The following NSD2 variants were observed in gnomAD, a reference collection of about 807,000 sequenced individuals.
NSD2 encodes the protein nuclear receptor binding SET domain protein 2.
In NSD2, 12 loss-of-function variants were observed where a neutral mutation model predicts 139.0. The ratio of observed to expected loss-of-function variants is 0.09; its 90% CI spans 0.06 to 0.14. The LOEUF is 0.14. Ranked by LOEUF, NSD2 falls within the 10% of genes least tolerant of loss-of-function variation. The pLI is 1.00. For synonymous variants in NSD2, 669 were observed against 648.7 expected (o/e 1.03, Z -0.48); for missense variants, 1,155 against 1,745.0 (o/e 0.66, Z 6.02).
intron 1 of NSD2, among the ~76,000 whole-genome samples, chr4:1,883,892 T>C (rs1164332562): frequency 6.6e-6 from 1 of 152,228 alleles, no homozygotes; most frequent in Admixed American, 6.5e-5. Flanking sequence ...TCTTGTTCTC[T>C]GTTCATGGTT....
At position 1,980,460 on chromosome 4, in the gene NSD2, A is replaced by T. The variant is rs976945229; in HGVS notation, c.*1551A>T. The T allele has an allele frequency of 1.7e-5, 4 of 233,056 alleles. No individual in the cohort carries two copies. Among genetic ancestry groups the T allele is most frequent in the East Asian group, 6.0e-5 (1 of 16,578 alleles). 14.4% of individuals were successfully genotyped at this position (233,056 alleles called of 1,614,324 possible). A position where few individuals can be genotyped will look rare whatever the true frequency, so the allele number is the denominator to read the frequency against. ...AGGGGGACACATCCATCTTGCAGAGAAGTTTACAGAACTCCCCTTGAAAAC... is the reference window on the plus strand; with the variant it reads ...AGGGGGACACATCCATCTTGCAGAGTAGTTTACAGAACTCCCCTTGAAAAC... On this transcript the variant is annotated 3_prime_UTR_variant, in exon 22 of 22. Transcript: ENST00000508803.
rs1043811805 is a variant in NSD2 at position 1,950,750 on chromosome 4, T to A, written c.1882-322T>A. Among the ~76,000 whole-genome samples the A allele has an allele frequency of 2.4e-4, 36 of 152,340 alleles. 1 individual carries two copies. The South Asian group carries it at 4.3e-3, about 18-fold the overall frequency. Reference sequence around the variant, plus strand: ...CAAGATTCTTGTTCCAAAAAGCCTGTCTTAGTTCACCTACTAGAGCAAATT... The same window carrying A: ...CAAGATTCTTGTTCCAAAAAGCCTGACTTAGTTCACCTACTAGAGCAAATT... On this transcript the variant is annotated intron_variant, in intron 9 of 21. Coordinates refer to ENST00000508803, the MANE Select transcript of NSD2 (RefSeq NM_001042424.3).
intron 2 of NSD2, 50 bp downstream of exon 2, chr4:1,901,301 A>G: frequency 6.7e-7 from 1 of 1,481,686 alleles, no homozygotes; most frequent in Non-Finnish European, 9.0e-7. Context: ...AGCAGTGAGC[A>G]TGGCCACCCT....
intron 9 of NSD2, chr4:1,943,393 T>C: frequency 1.9e-6 from 2 of 1,042,178 alleles, no homozygotes; most frequent in Non-Finnish European, 2.3e-6. Context: ...TGGTTTCCTG[T>C]TGTGACAGTA....
intron 15 of NSD2, 110 bp from the exon 16 acceptor site, chr4:1,957,821 CAG>C (rs1724984961): frequency 9.7e-7 from 1 of 1,035,070 alleles, no homozygotes; most frequent in African/African-American, 1.6e-5. Flanking sequence ...TTATGGGAAC[CAG>C]AAACTATACT....
chr4:1,922,058 G>T (rs948386115), intron 5 of NSD2, among the ~76,000 whole-genome samples: 9 of 152,184 alleles, frequency 5.9e-5, no homozygotes, highest in Non-Finnish European at 1.2e-4. Flanking sequence ...CGAGGCAAGA[G>T]AATTGCTGGA....
intron 17 of NSD2, among the ~76,000 whole-genome samples, chr4:1,960,090 C>T (rs979391513): frequency 1.3e-5 from 2 of 152,034 alleles, no homozygotes; most frequent in Non-Finnish European, 2.9e-5. Flanking sequence ...AACTCCTGGC[C>T]CCAAACCATC....
intron 3 of NSD2, among the ~76,000 whole-genome samples, chr4:1,910,209 G>A (rs963005436): frequency 2.6e-5 from 4 of 152,036 alleles, no homozygotes; most frequent in Non-Finnish European, 5.9e-5. Context: ...GCACCTAGGT[G>A]GACTAGCAGC....
intron 3 of NSD2, among the ~76,000 whole-genome samples, chr4:1,909,266 C>G (rs557945828): frequency 6.6e-6 from 1 of 152,038 alleles, no homozygotes; most frequent in East Asian, 1.9e-4. Context: ...CCCACCACCC[C>G]CCCCAACCCT....
rs1724868933 is a variant in NSD2 at position 1,956,913 on chromosome 4, G to A, written c.2881+725G>A. ...CATGCTGCCAGAAGCTTTGCAGGCT[G>A]CACTGAGTGGTAGGAGTGCATGGTG... is the stretch of plus-strand genomic sequence containing the variant. On this transcript the variant is annotated intron_variant, in intron 15 of 21. Coordinates refer to ENST00000508803, the MANE Select transcript of NSD2 (RefSeq NM_001042424.3). This position sits in a 1 kb window ranked among gnomAD's most constrained non-coding sequence, Gnocchi z 5.3. 6.6e-6 allele frequency among the ~76,000 whole-genome samples: 1 copy of A among 152,262 alleles called. No homozygotes were observed. Among genetic ancestry groups the A allele is most frequent in the Admixed American group, 6.5e-5 (1 of 15,292 alleles).
In NSD2 at chr4:1,943,294, T is replaced by G. The variant is rs1388988726; in HGVS notation, c.1881+3516T>G. 3 of 1,043,422 alleles carry G rather than the reference T, an allele frequency of 2.9e-6. No homozygotes were observed. In the African/African-American group the frequency reaches 5.0e-5, roughly 17 times the overall value. The allele number at this position is 1,043,422 out of a possible 1,614,324, so 64.6% of individuals were successfully genotyped here. A position where few individuals can be genotyped will look rare whatever the true frequency, so the allele number is the denominator to read the frequency against. ...CAGATTCTTTGGCTGTGTTTTATCT[T>G]TAATGAACGTTTCTGACTAATATTT... On this transcript the variant is annotated intron_variant, in intron 9 of 21. Coordinates refer to ENST00000508803, the MANE Select transcript of NSD2 (RefSeq NM_001042424.3).
chr4:1,930,532 G>A (rs1048401363), intron 5 of NSD2, 94 bp from the exon 6 acceptor site: 4 of 1,349,376 alleles, frequency 3.0e-6, no homozygotes, highest in Admixed American at 2.8e-5. Context: ...GACACACTAA[G>A]TTCTAAAGGG....
At chr4:1,952,751 G>T in intron 11 of NSD2, 1 of 1,090,164 alleles carries the variant, frequency 9.2e-7, no homozygotes, top group South Asian at 3.5e-5. Flanking sequence ...TACTGCATCA[G>T]GTGTCGCCCG....
At chr4:1,975,450 C>T (rs1376165258) in intron 20 of NSD2, 50 bp downstream of exon 20, 4 of 1,547,258 alleles carry the variant, frequency 2.6e-6, no homozygotes, top group East Asian at 4.5e-5. Flanking sequence ...TGGCATTTTG[C>T]ACTCCTGGAG....
intron 9 of NSD2, chr4:1,939,987 A>G: frequency 2.8e-6 from 4 of 1,423,800 alleles, no homozygotes; most frequent in Non-Finnish European, 3.7e-6. Context: ...TTTTATACAC[A>G]CGCACACAGT....
In NSD2 at chr4:1,979,827, G is replaced by A; in HGVS notation, c.*918G>A. On this transcript the variant is annotated 3_prime_UTR_variant, in exon 22 of 22. Coordinates refer to ENST00000508803, the MANE Select transcript of NSD2 (RefSeq NM_001042424.3). ...GACTGAAGTGTGTGTTTACTGATGCGGCCCTGAGCTCCATGGCGAAAGGAG... is the reference window on the plus strand; with the variant it reads ...GACTGAAGTGTGTGTTTACTGATGCAGCCCTGAGCTCCATGGCGAAAGGAG... The A allele has an allele frequency of 1.3e-5, 3 of 232,326 alleles. No individual in the cohort carries two copies. Among genetic ancestry groups the A allele is most frequent in the East Asian group, 6.1e-5 (1 of 16,474 alleles). 14.4% of individuals were successfully genotyped at this position (232,326 alleles called of 1,614,324 possible). A position where few individuals can be genotyped will look rare whatever the true frequency, so the allele number is the denominator to read the frequency against.
rs1369244569 is a variant in NSD2 at position 1,976,761 on chromosome 4, G to A, written c.3826+82G>A. 1.3e-5 allele frequency: 19 copies of A among 1,439,510 alleles called. No individual in the cohort carries two copies. Among genetic ancestry groups the A allele is most frequent in the South Asian group, 2.7e-5 (2 of 74,502 alleles). The allele number at this position is 1,439,510 out of a possible 1,614,324, so 89.2% of individuals were successfully genotyped here. On this transcript the variant is annotated intron_variant, in intron 21 of 21. Transcript: ENST00000508803. This position sits in a 1 kb window ranked among gnomAD's most constrained non-coding sequence, Gnocchi z 5.3. ...GGCGGCTGCTGCCGCTCTTCCTGCT[G>A]ACCGGGCCTCATCTGGGTGCAGGCA...
intron 1 of NSD2, among the ~76,000 whole-genome samples, chr4:1,878,064 T>TAC (rs1011451800): frequency 6.6e-6 from 1 of 150,540 alleles, no homozygotes; most frequent in Non-Finnish European, 1.5e-5. Context: ...ATTATATATA[T>TAC]ACACACACAC....
chr4:1,948,857 G>A lies in NSD2; in HGVS notation c.1882-2215G>A. The A allele has an allele frequency of 1.0e-6, 1 of 982,664 alleles. No individual in the cohort carries two copies. The highest frequency in any genetic ancestry group is 1.2e-6 in the Non-Finnish European group (1 of 816,824). 60.9% of individuals were successfully genotyped at this position (982,664 alleles called of 1,614,324 possible). On this transcript the variant is annotated intron_variant, in intron 9 of 21. Coordinates refer to ENST00000508803, the MANE Select transcript of NSD2 (RefSeq NM_001042424.3). This position sits in a 1 kb window ranked among gnomAD's most constrained non-coding sequence, Gnocchi z 4.5. ...TTGTGTTTTCTGTCTTTCTCTCCAT[G>A]CATTTTTTTTCTCATTTTTAAAGCT... is the stretch of plus-strand genomic sequence containing the variant.
Sources: allele counts gnomAD v4.1 joint callset (sites outside exome capture counted in the v4.1 genomes callset), GRCh38; gene constraint gnomAD v4.1.1; non-coding constraint Gnocchi (gnomAD v3.1); transcripts MANE v1.5; gene names NCBI Gene and HGNC (gene_info 2026-07-23, HGNC 2026-07-21).